Variants in SMARCAD1 observed in about 807,000 individuals in gnomAD.
SMARCAD1 encodes the protein SNF2 related chromatin remodeling ATPase with DExD box 1.
In SMARCAD1, 25 loss-of-function variants were observed where a neutral mutation model predicts 127.1. The ratio of observed to expected loss-of-function variants is 0.20; its 90% confidence interval spans 0.14 to 0.27. SMARCAD1 has a LOEUF of 0.27. SMARCAD1 is among the 10% of genes least tolerant of loss of function. The pLI, the probability that SMARCAD1 is intolerant of heterozygous loss-of-function variation, is 1.00. For missense variants in SMARCAD1, 807 were observed against 1,206.0 expected (o/e 0.67, Z 4.90); for synonymous variants, 400 against 396.9 (o/e 1.01, Z -0.09).
chr4:94,219,622 C>A (rs1252959186), intron 2 of SMARCAD1, among the ~76,000 whole-genome samples: 1 of 152,152 alleles, frequency 6.6e-6, no homozygotes, highest in Non-Finnish European at 1.5e-5. Context: ...TCCCTAGGGC[C>A]ATGGAGTCTT....
In SMARCAD1 at chr4:94,281,872, GCAA is replaced by G. The variant is rs34933276; in HGVS notation, c.2726+298_2726+300del. Among the ~76,000 whole-genome samples, 80,108 of 147,632 alleles carry G rather than the reference GCAA, an allele frequency of 0.54. 22,219 individuals are homozygous for G. The highest frequency in any genetic ancestry group is 0.7 in the East Asian group (3,285 of 4,666). ...CCTGTCTCTACTAAAAACACCAATA[GCAA>G]CAACAACAACAACAAAAATAGCCAG... On this transcript the variant is annotated intron_variant, in intron 21 of 23. Transcript: ENST00000354268.
chr4:94,249,707 A>G lies in SMARCAD1; in HGVS notation c.759A>G (p.Glu253=). Residue 253 remains glutamate (E), a synonymous_variant, in exon 7 of 24, where the codon GAA becomes GAG. Transcript: ENST00000354268. ...CTAGCAGTAATTGGGAAAAGCAGGA[A>G]AGTATTGTACTGAAATTGCAAAAGG... The part of the protein sequence containing the change: ...AESSSNWEKQ[E]SIVLKLQKEF... The G allele has an allele frequency of 6.2e-7, 1 of 1,610,728 alleles. No homozygotes were observed. The highest frequency in any genetic ancestry group is 8.5e-7 in the Non-Finnish European group (1 of 1,177,256).
Position 94,247,867 on chromosome 4 carries a change from T to A in SMARCAD1, c.706-1787T>A, listed in dbSNP as rs191484574. ...TTCTTTTTTCAACTTTATGTTAGAA[T>A]TGGGGTACATGTGCAAGTTTGTTAC... On this transcript the variant is annotated intron_variant, in intron 6 of 23. Coordinates refer to ENST00000354268, the MANE Select transcript of SMARCAD1 (RefSeq NM_020159.5). 3.5e-3 allele frequency among the ~76,000 whole-genome samples: 539 copies of A among 152,308 alleles called. No homozygotes were observed. The Middle Eastern group carries it at 0.048, about 13-fold the overall frequency.
chr4:94,220,075 G>A (rs1743861173), intron 2 of SMARCAD1, among the ~76,000 whole-genome samples: 1 of 152,076 alleles, frequency 6.6e-6, no homozygotes, highest in South Asian at 2.1e-4. Context: ...GAATTAAAAA[G>A]CGTCATTGCA....
At chr4:94,261,703 G>A (rs557071930) in intron 9 of SMARCAD1, among the ~76,000 whole-genome samples, 8 of 152,190 alleles carry the variant, frequency 5.3e-5, no homozygotes, top group South Asian at 4.1e-4. Flanking sequence ...TCTGACTCCC[G>A]GGCTCAAGCC....
rs766653523 is a variant in SMARCAD1, at chr4:94,289,641, T to C, written c.*107T>C. On this transcript the variant is annotated 3_prime_UTR_variant, in exon 24 of 24. Coordinates refer to ENST00000354268, the MANE Select transcript of SMARCAD1 (RefSeq NM_020159.5). ...GTTTATGAACATTTATAACTTTTTA[T>C]AATTTCCATATTACATTTCTCATAG... The C allele has an allele frequency of 1.9e-6, 2 of 1,056,276 alleles. No individual in the cohort carries two copies. The highest frequency in any genetic ancestry group is 3.0e-6 in the Non-Finnish European group (2 of 673,152). 65.4% of individuals were successfully genotyped at this position (1,056,276 alleles called of 1,614,324 possible). A position where few individuals can be genotyped will look rare whatever the true frequency, so the allele number is the denominator to read the frequency against.
At chr4:94,249,798 G>A (rs1343975072) in intron 7 of SMARCAD1, 43 bp downstream of exon 7, 2 of 1,113,506 alleles carry the variant, frequency 1.8e-6, no homozygotes. Flanking sequence ...TGTACTAAGT[G>A]TTTTTATTAT....
intron 14 of SMARCAD1, 88 bp from the exon 15 acceptor site, chr4:94,276,251 A>G (rs1560563308): frequency 6.9e-7 from 1 of 1,446,718 alleles, no homozygotes; most frequent in Middle Eastern, 1.8e-4. Flanking sequence ...ATGTGTAAAT[A>G]AAAAATGATT....
At chr4:94,274,694 A>T (rs1283049960) in intron 12 of SMARCAD1, 44 bp from the exon 13 acceptor site, 2 of 1,526,088 alleles carry the variant, frequency 1.3e-6, no homozygotes, top group African/African-American at 1.4e-5. Context: ...ATGTGAACAT[A>T]CCCTATTGTA....
intron 16 of SMARCAD1, 29 bp from the exon 17 acceptor site, chr4:94,278,386 ATAATTCC>A (rs1257343995): frequency 1.4e-5 from 22 of 1,530,320 alleles, no homozygotes; most frequent in Non-Finnish European, 1.9e-5. Context: ...ATTTAAGTGA[ATAATTCC>A]TAAAAGGATA....
At chr4:94,219,711 T>C (rs1206687781) in intron 2 of SMARCAD1, among the ~76,000 whole-genome samples, 1 of 152,248 alleles carries the variant, frequency 6.6e-6, no homozygotes, top group Non-Finnish European at 1.5e-5. Context: ...GCTTTTCCTA[T>C]TGTTTTTATA....
intron 6 of SMARCAD1, 98 bp downstream of exon 6, chr4:94,241,104 GA>G: frequency 1.2e-6 from 1 of 800,568 alleles, no homozygotes; most frequent in Non-Finnish European, 2.1e-6. Flanking sequence ...CCACCTAAAT[GA>G]ATTCCTTTCT....
At chr4:94,273,330 T>C (rs2125983038) in intron 11 of SMARCAD1, among the ~76,000 whole-genome samples, 1 of 152,354 alleles carries the variant, frequency 6.6e-6, no homozygotes, top group South Asian at 2.1e-4. Flanking sequence ...ACCAAAATTA[T>C]ATCCTTTCCA....
chr4:94,281,526 G>T lies in SMARCAD1; in HGVS notation c.2662G>T (p.Val888Phe). The change falls in exon 21 of 24, where the codon GTT (valine) becomes TTT (phenylalanine). Residue 888 changes from valine (V) to phenylalanine (F), a missense_variant. Transcript: ENST00000354268. ...QFTMMLDILE[V>F]LLKHHQHRYL... is the part of the protein sequence containing the mutation. ...TACCATGATGCTGGATATCTTAGAG[G>T]TTCTATTAAAACATCATCAGCATAG... 6.2e-7 allele frequency: 1 copy of T among 1,613,408 alleles called. No homozygotes were observed. The highest frequency in any genetic ancestry group is 8.5e-7 in the Non-Finnish European group (1 of 1,179,588).
intron 3 of SMARCAD1, 91 bp from the exon 4 acceptor site, chr4:94,233,863 G>A: frequency 7.7e-7 from 1 of 1,293,462 alleles, no homozygotes; most frequent in Middle Eastern, 1.9e-4. Flanking sequence ...AACTGCAGAT[G>A]TGTTGTACTA....
Position 94,208,345 on chromosome 4 carries a change from G to GAA in SMARCAD1, c.-49_-48insAA, listed in dbSNP as rs753964296. On this transcript the variant is annotated splice_region_variant and 5_prime_UTR_variant. Coordinates refer to ENST00000354268, the MANE Select transcript of SMARCAD1 (RefSeq NM_020159.5). ...TTCCTCTCTTTATTTTTCCCCTGCA[G>GAA]ATAGTTCATTTAAAGCCCCCATCCC... 6.3e-7 allele frequency: 1 copy of GAA among 1,575,548 alleles called. No homozygotes were observed. Among genetic ancestry groups the GAA allele is most frequent in the African/African-American group, 1.3e-5 (1 of 74,118 alleles).
chr4:94,266,847 C>T (rs937198591), intron 10 of SMARCAD1, among the ~76,000 whole-genome samples: 5 of 151,898 alleles, frequency 3.3e-5, no homozygotes, highest in African/African-American at 4.8e-5. Context: ...ACAAATATTC[C>T]GGAATTCCTT....
chr4:94,226,003 G>T, intron 2 of SMARCAD1, 116 bp from the exon 3 acceptor site: 1 of 908,912 alleles, frequency 1.1e-6, no homozygotes, highest in Non-Finnish European at 1.7e-6. Flanking sequence ...TGAGAATTTT[G>T]ATTTTTAGAT....
At chr4:94,273,810 T>A in intron 12 of SMARCAD1, 94 bp downstream of exon 12, 1 of 970,316 alleles carries the variant, frequency 1.0e-6, no homozygotes, top group Non-Finnish European at 1.6e-6. Flanking sequence ...AGGGGTGTTG[T>A]GGTTTCTTAG....
Sources: gnomAD v4.1 joint callset for allele counts (sites outside exome capture counted in the v4.1 genomes callset) on GRCh38, gnomAD v4.1.1 for gene constraint, MANE v1.5 for transcripts, NCBI Gene and HGNC (gene_info 2026-07-23, HGNC 2026-07-21) for gene names.